The following KCNN2 variants were observed in gnomAD, a reference collection of about 807,000 sequenced individuals.
KCNN2 encodes the protein small conductance calcium-activated potassium channel protein 2.
Under a neutral mutation model 55.5 loss-of-function variants are expected in KCNN2, and 24 were observed. The ratio of observed to expected loss-of-function variants is 0.43; its 90% CI spans 0.31 to 0.61. KCNN2 has a LOEUF of 0.61. Ranked by LOEUF, KCNN2 falls within the 20% of genes least tolerant of loss-of-function variation. The probability of loss-of-function intolerance (pLI) is 0.08; values close to 1 mark genes in which losing one functional copy is unlikely to be tolerated. For missense variants in KCNN2, 754 were observed against 853.6 expected (o/e 0.88, Z 1.45); for synonymous variants, 431 against 336.1 (o/e 1.28, Z -3.09).
At chr5:114,282,244 TTGTA>T (rs1755638787) in intron 2 of KCNN2, among the ~76,000 whole-genome samples, 1 of 152,110 alleles carries the variant, frequency 6.6e-6, no homozygotes, top group Non-Finnish European at 1.5e-5. Context: ...AATCATTCCT[TTGTA>T]TGGGGAATTC....
intron 1 of KCNN2, among the ~76,000 whole-genome samples, chr5:114,204,596 A>G (rs1387868340): frequency 6.6e-6 from 1 of 152,128 alleles, no homozygotes; most frequent in African/African-American, 2.4e-5. Flanking sequence ...CCCATGACAA[A>G]CAAATAGAAG....
intron 1 of KCNN2, among the ~76,000 whole-genome samples, chr5:114,166,739 A>G (rs537794457): frequency 6.6e-6 from 1 of 152,176 alleles, no homozygotes; most frequent in South Asian, 2.1e-4. Flanking sequence ...ATTTCCTCCA[A>G]ATTCATATGT....
At chr5:114,189,140 G>GTGTGTGTGTGTGTGTGTGTGTA (rs1333409904) in intron 1 of KCNN2, among the ~76,000 whole-genome samples, 12 of 151,328 alleles carry the variant, frequency 7.9e-5, no homozygotes, top group Non-Finnish European at 1.5e-4. Flanking sequence ...AATAGTGTGT[G>GTGTGTGTGTGTGTGTGTGTGTA]TGTGTGTGTG....
At chr5:114,074,333 C>CGT (rs1363109860) in intron 1 of KCNN2, among the ~76,000 whole-genome samples, 10 of 140,808 alleles carry the variant, frequency 7.1e-5, no homozygotes, top group Non-Finnish European at 1.2e-4. Context: ...TGTGTGTGCG[C>CGT]GCGCGCGCCA....
chr5:114,437,055 T>TTG (rs1273826733), intron 3 of KCNN2, among the ~76,000 whole-genome samples: 2 of 151,548 alleles, frequency 1.3e-5, no homozygotes, highest in South Asian at 4.2e-4. Context: ...GTGTGTGTGT[T>TTG]TGTGTGTGTG....
chr5:114,146,096 A>G (rs543711814), intron 1 of KCNN2, among the ~76,000 whole-genome samples: 35 of 152,278 alleles, frequency 2.3e-4, no homozygotes, highest in African/African-American at 8.2e-4. Flanking sequence ...CCACGTTAAA[A>G]TAGAAGCTTT....
At chr5:114,457,075 G>T (rs906422521) in intron 3 of KCNN2, among the ~76,000 whole-genome samples, 2 of 152,120 alleles carry the variant, frequency 1.3e-5, no homozygotes, top group Non-Finnish European at 2.9e-5. Context: ...AGTTCTATGG[G>T]TAAAATGCTA....
intron 2 of KCNN2, among the ~76,000 whole-genome samples, chr5:114,340,322 A>C (rs965163044): frequency 6.6e-5 from 10 of 152,148 alleles, no homozygotes; most frequent in African/African-American, 2.4e-4. Context: ...ATTACAATGT[A>C]TTGTACAAAT....
chr5:114,454,655 C>G (rs1760841491), intron 3 of KCNN2, among the ~76,000 whole-genome samples: 1 of 152,230 alleles, frequency 6.6e-6, no homozygotes, highest in Non-Finnish European at 1.5e-5. Context: ...AACATTTCTT[C>G]TGCCCTTGGC....
intron 2 of KCNN2, among the ~76,000 whole-genome samples, chr5:114,331,283 G>A (rs768584207): frequency 6.6e-6 from 1 of 152,206 alleles, no homozygotes; most frequent in Non-Finnish European, 1.5e-5. Flanking sequence ...GACGTGAGAA[G>A]AGAGAGCTGA....
upstream of KCNN2, among the ~76,000 whole-genome samples, chr5:114,357,634 A>G (rs1204336655): frequency 1.3e-4 from 16 of 120,922 alleles, no homozygotes; most frequent in African/African-American, 4.8e-4. Flanking sequence ...TGAACTCATC[A>G]TTTTTTATGG....
intron 2 of KCNN2, among the ~76,000 whole-genome samples, chr5:114,276,558 G>C (rs1293587631): frequency 1.3e-5 from 2 of 151,828 alleles, no homozygotes; most frequent in Admixed American, 6.6e-5. Flanking sequence ...TCTTTTTGTT[G>C]AATTGATCCC....
At chr5:114,305,133 A>T (rs1384317091) in intron 2 of KCNN2, among the ~76,000 whole-genome samples, 1 of 152,222 alleles carries the variant, frequency 6.6e-6, no homozygotes, top group Non-Finnish European at 1.5e-5. Flanking sequence ...GGATAGCCTA[A>T]CGTTGAAGGA....
intron 2 of KCNN2, among the ~76,000 whole-genome samples, chr5:114,245,417 T>C (rs1026470849): frequency 9.9e-5 from 15 of 152,234 alleles, no homozygotes; most frequent in African/African-American, 3.6e-4. Context: ...ACATATATTA[T>C]TTCACTTAAT....
At chr5:114,156,737 A>C (rs887282865) in intron 1 of KCNN2, among the ~76,000 whole-genome samples, 1 of 152,100 alleles carries the variant, frequency 6.6e-6, no homozygotes, top group Non-Finnish European at 1.5e-5. Flanking sequence ...TTGTATCCTA[A>C]GACTTTGTTA....
At chr5:114,410,539 A>G (rs1156483864) in intron 3 of KCNN2, among the ~76,000 whole-genome samples, 1 of 152,132 alleles carries the variant, frequency 6.6e-6, no homozygotes, top group Non-Finnish European at 1.5e-5. Context: ...GACAATACTG[A>G]AGTTTTGGAG....
chr5:114,480,336 C>A (rs769262201), intron 5 of KCNN2, among the ~76,000 whole-genome samples: 1 of 152,162 alleles, frequency 6.6e-6, no homozygotes, highest in South Asian at 2.1e-4. Context: ...CTGAATAGAC[C>A]AATAATGAGT....
chr5:114,164,274 A>G (rs182263237), intron 1 of KCNN2, among the ~76,000 whole-genome samples: 1 of 152,324 alleles, frequency 6.6e-6, no homozygotes, highest in East Asian at 1.9e-4. Flanking sequence ...TATTAAGGTA[A>G]GAAGTACTTG....
chr5:114,241,806 G>GTGTGTA (rs1274133529), intron 2 of KCNN2, among the ~76,000 whole-genome samples: 129 of 6,478 alleles, frequency 0.02, 33 homozygotes, highest in South Asian at 0.069. Flanking sequence ...ATATATATAC[G>GTGTGTA]TATATATATA....
Sources: allele counts gnomAD v4.1 joint callset (sites outside exome capture counted in the v4.1 genomes callset), GRCh38; gene constraint gnomAD v4.1.1; transcripts MANE v1.5; gene names NCBI Gene and HGNC (gene_info 2026-07-23, HGNC 2026-07-21).